The following ASH1L variants were observed in gnomAD, a reference collection of about 807,000 sequenced individuals.
ASH1L encodes the protein histone-lysine N-methyltransferase ASH1L.
Under a neutral mutation model 269.0 loss-of-function variants are expected in ASH1L, and 23 were observed. That is an observed-to-expected ratio of 0.09 (90% confidence interval 0.06 to 0.12). The LOEUF (loss-of-function observed/expected upper bound fraction) is 0.12. ASH1L is among the 10% of genes least tolerant of loss of function. ASH1L has a pLI of 1.00. For synonymous variants in ASH1L, 1,187 were observed against 1,253.5 expected, an observed-to-expected ratio of 0.95 and a Z score of 1.12; for missense variants, 2,912 against 3,567.8, an observed-to-expected ratio of 0.82 and a Z score of 4.68.
At chr1:155,501,965 G>T (rs1395596112) in intron 2 of ASH1L, among the ~76,000 whole-genome samples, 1 of 151,888 alleles carries the variant, frequency 6.6e-6, no homozygotes, top group Non-Finnish European at 1.5e-5. Flanking sequence ...TCGGCCTAGA[G>T]ATTGTTTTAA....
At position 155,410,750 on chromosome 1, in the gene ASH1L, T is replaced by G. The variant is rs954556630; in HGVS notation, c.6008+4994A>C. ...AGAATGATATACAGGATTACAGGCC[T>G]GAGCCACTGCGTCTGGCCTGAATTC... On this transcript the variant is annotated intron_variant, in intron 6 of 27. Transcript: ENST00000392403. 1.3e-3 allele frequency among the ~76,000 whole-genome samples: 193 copies of G among 151,670 alleles called. 1 individual carries two copies. The highest frequency in any genetic ancestry group is 4.5e-3 in the African/African-American group (185 of 41,304).
At chr1:155,548,535 G>A (rs1670984634) in intron 1 of ASH1L, among the ~76,000 whole-genome samples, 1 of 152,046 alleles carries the variant, frequency 6.6e-6, no homozygotes, top group Admixed American at 6.6e-5. Context: ...ACAAAAGAGA[G>A]ATAAAAAATA....
At chr1:155,532,761 T>G (rs1254018982) in intron 1 of ASH1L, among the ~76,000 whole-genome samples, 1 of 149,944 alleles carries the variant, frequency 6.7e-6, no homozygotes, top group Non-Finnish European at 1.5e-5. Context: ...AGGCACAGGT[T>G]GCAGTGAGCC....
At chr1:155,438,126 G>T (rs1392643217) in intron 5 of ASH1L, among the ~76,000 whole-genome samples, 1 of 152,162 alleles carries the variant, frequency 6.6e-6, no homozygotes, top group East Asian at 1.9e-4. Context: ...GGGATTACAG[G>T]TGTGAGCCAC....
intron 2 of ASH1L, among the ~76,000 whole-genome samples, chr1:155,496,192 T>C (rs1361259456): frequency 6.6e-6 from 1 of 152,228 alleles, no homozygotes; most frequent in Non-Finnish European, 1.5e-5. Flanking sequence ...AATTTGTTTT[T>C]ACCTTTTCAA....
intron 2 of ASH1L, among the ~76,000 whole-genome samples, chr1:155,520,559 G>A (rs1668815944): frequency 6.6e-6 from 1 of 151,676 alleles, no homozygotes; most frequent in Non-Finnish European, 1.5e-5. Context: ...TTGGAGTTTT[G>A]CCTTTAAAAA....
intron 7 of ASH1L, among the ~76,000 whole-genome samples, chr1:155,381,598 G>A (rs967360928): frequency 6.6e-5 from 10 of 152,178 alleles, no homozygotes; most frequent in Non-Finnish European, 1.3e-4. Context: ...TTGGCTGGGC[G>A]CAATGGTTCA....
At chr1:155,443,977 A>ATTTT (rs1662797088) in intron 4 of ASH1L, among the ~76,000 whole-genome samples, 8 of 134,720 alleles carry the variant, frequency 5.9e-5, no homozygotes, top group African/African-American at 2.5e-4. Context: ...GAATTACTAA[A>ATTTT]TCTTTTTTTT....
rs574463909 is a variant in ASH1L, at chr1:155,531,336, G to A, written c.-99-9718C>T. 4.0e-5 allele frequency among the ~76,000 whole-genome samples: 6 copies of A among 151,506 alleles called. No homozygotes were observed. In the South Asian group the frequency reaches 6.3e-4, roughly 16 times the overall value. The stretch of plus-strand genomic sequence containing the variant: ...AACTGCAAAATTTATATGTATAAAT[G>A]AAGAATTTCAGCATTTTTCCAAAGA... On this transcript the variant is annotated intron_variant, in intron 1 of 27. Coordinates refer to ENST00000392403, the MANE Select transcript of ASH1L (RefSeq NM_018489.3).
rs1011109747 is a variant in ASH1L, at chr1:155,471,471, C to T, written c.4984+6415G>A. On this transcript the variant is annotated intron_variant, in intron 3 of 27. Transcript: ENST00000392403. The stretch of plus-strand genomic sequence containing the variant: ...AAACATGGCCAATGATCTAATCAAT[C>T]CGGCCTACCTAACAGAGCCCCAATA... Among the ~76,000 whole-genome samples, 4 of 152,198 alleles carry T rather than the reference C, an allele frequency of 2.6e-5. 1 individual carries two copies. Among genetic ancestry groups the T allele is most frequent in the Admixed American group, 2.0e-4 (3 of 15,276 alleles).
At position 155,379,813 on chromosome 1, in the gene ASH1L, G is replaced by T. The variant is rs1234424767; in HGVS notation, c.6177+230C>A. 2.0e-5 allele frequency among the ~76,000 whole-genome samples: 3 copies of T among 152,100 alleles called. No individual in the cohort carries two copies. In the East Asian group the frequency reaches 5.8e-4, roughly 29 times the overall value. On this transcript the variant is annotated intron_variant, in intron 8 of 27. Coordinates refer to ENST00000392403, the MANE Select transcript of ASH1L (RefSeq NM_018489.3). The stretch of plus-strand genomic sequence containing the variant: ...ATAAAAGTCCAGAATAACAACAGAA[G>T]GTTGCCTAGGAAAGCAGGAACTTAC...
intron 5 of ASH1L, among the ~76,000 whole-genome samples, chr1:155,435,471 T>C (rs2148609904): frequency 6.6e-6 from 1 of 152,248 alleles, no homozygotes; most frequent in East Asian, 1.9e-4. Flanking sequence ...GAGAGAAGAA[T>C]GGGATAAGAG....
At chr1:155,543,978 GATTT>G (rs908815239) in intron 1 of ASH1L, among the ~76,000 whole-genome samples, 1 of 152,034 alleles carries the variant, frequency 6.6e-6, no homozygotes, top group African/African-American at 2.4e-5. Context: ...TTTCCTCATG[GATTT>G]ATTTTTTATT....
intron 4 of ASH1L, among the ~76,000 whole-genome samples, chr1:155,452,809 G>C (rs1663586445): frequency 6.6e-6 from 1 of 152,130 alleles, no homozygotes; most frequent in Non-Finnish European, 1.5e-5. Flanking sequence ...TACCCGCCTT[G>C]GTCTCCCAAT....
chr1:155,378,143 C>T (rs1656625521), intron 10 of ASH1L, 138 bp downstream of exon 10: 1 of 583,714 alleles, frequency 1.7e-6, no homozygotes, highest in African/African-American at 1.8e-5. Context: ...CTGTATTCCG[C>T]CCACCCATTA....
chr1:155,358,440 C>T (rs1283364700), intron 13 of ASH1L, among the ~76,000 whole-genome samples: 1 of 151,710 alleles, frequency 6.6e-6, no homozygotes. Context: ...TAATCCAGCA[C>T]TTTGGGAGGC....
chr1:155,468,533 T>G (rs1441227539), intron 3 of ASH1L, among the ~76,000 whole-genome samples: 1 of 152,186 alleles, frequency 6.6e-6, no homozygotes, highest in African/African-American at 2.4e-5. Context: ...AGTCAATCAT[T>G]TATTTAAATC....
chr1:155,476,102 G>T (rs1158464234), intron 3 of ASH1L, among the ~76,000 whole-genome samples: 1 of 152,134 alleles, frequency 6.6e-6, no homozygotes, highest in Non-Finnish European at 1.5e-5. Flanking sequence ...GTTGTTAAAA[G>T]CTGGCCGGGT....
intron 4 of ASH1L, among the ~76,000 whole-genome samples, chr1:155,444,977 C>T (rs12730906): frequency 0.1 from 15,498 of 151,884 alleles, 1,053 homozygotes; most frequent in Non-Finnish European, 0.15. Context: ...TTTGACCATC[C>T]CCCAAGGTCT....
Sources: gnomAD v4.1 joint callset for allele counts (sites outside exome capture counted in the v4.1 genomes callset) on GRCh38, gnomAD v4.1.1 for gene constraint, MANE v1.5 for transcripts, NCBI Gene and HGNC (gene_info 2026-07-23, HGNC 2026-07-21) for gene names.